Variants in R3HCC1L observed in about 807,000 individuals in gnomAD.
R3HCC1L encodes the protein R3H domain and coiled-coil containing 1 like, also known as coiled-coil domain-containing protein R3HCC1L.
Under a neutral mutation model 59.9 loss-of-function variants are expected in R3HCC1L, and 51 were observed. That is an observed-to-expected ratio of 0.85 (90% CI 0.68 to 1.07). The LOEUF is 1.07. R3HCC1L is among the 50% of genes least tolerant of loss of function. The pLI is 0.00. For synonymous variants in R3HCC1L, 322 were observed against 315.2 expected (o/e 1.02, Z -0.23); for missense variants, 965 against 933.0 (o/e 1.03, Z -0.45).
Position 98,208,568 on chromosome 10 carries a change from A to C in R3HCC1L, c.454A>C (p.Thr152Pro). 6.2e-7 allele frequency: 1 copy of C among 1,614,122 alleles called. No individual in the cohort carries two copies. Among genetic ancestry groups the C allele is most frequent in the Non-Finnish European group, 8.5e-7 (1 of 1,180,006 alleles). The change falls in exon 5 of 10, where the codon ACT becomes CCT. Residue 152 changes from threonine (T) to proline (P), a missense_variant. By Grantham distance (38) the Thr-to-Pro change is conservative. Transcript: ENST00000298999. ...GAAGGTGGAGTGTTTGGAAGTTGAA[A>C]CTACGGATGTGACAGGACATGAGAG... The part of the protein sequence containing the change: ...PKKVECLEVE[T>P]TDVTGHERIL...
chr10:98,153,491 C>G (rs974199116), intron 1 of R3HCC1L, among the ~76,000 whole-genome samples: 48 of 152,184 alleles, frequency 3.2e-4, no homozygotes, highest in African/African-American at 1.1e-3. Context: ...CCGCAGGGTC[C>G]TCTGCCTAAG....
chr10:98,230,180 G>T lies in R3HCC1L; in HGVS notation c.1786-1332G>T, dbSNP rs1439479745. ...GGTATCAGCTCCTCCTTGTACCTCT[G>T]GTAGAATTCAGCTGTGAATCCGTCT... is the stretch of plus-strand genomic sequence containing the variant. On this transcript the variant is annotated intron_variant, in intron 5 of 9. Coordinates refer to ENST00000298999, the MANE Select transcript of R3HCC1L (RefSeq NM_001351015.2). Among the ~76,000 whole-genome samples, 4 of 152,164 alleles carry T rather than the reference G, an allele frequency of 2.6e-5. No individual in the cohort carries two copies. In the South Asian group the frequency reaches 6.2e-4, roughly 24 times the overall value.
chr10:98,181,833 A>G (rs1192826700), intron 4 of R3HCC1L, among the ~76,000 whole-genome samples: 1 of 152,150 alleles, frequency 6.6e-6, no homozygotes, highest in Non-Finnish European at 1.5e-5. Flanking sequence ...TGAGTCACAT[A>G]GTTCTTGTGC....
At chr10:98,196,533 A>G (rs1303389837) in intron 4 of R3HCC1L, among the ~76,000 whole-genome samples, 2 of 152,162 alleles carry the variant, frequency 1.3e-5, no homozygotes, top group Non-Finnish European at 2.9e-5. Context: ...AGCTGGGACT[A>G]TAAGGCGTGT....
intron 4 of R3HCC1L, among the ~76,000 whole-genome samples, chr10:98,163,727 C>T (rs954498771): frequency 1.3e-5 from 2 of 152,164 alleles, no homozygotes; most frequent in African/African-American, 4.8e-5. Flanking sequence ...TTGTCAAGTC[C>T]TGGCTTCCCT....
intron 7 of R3HCC1L, among the ~76,000 whole-genome samples, chr10:98,235,198 T>G (rs963970918): frequency 3.3e-5 from 5 of 152,200 alleles, no homozygotes; most frequent in Non-Finnish European, 7.3e-5. Context: ...ATAAAATTAC[T>G]TTGTAAATAA....
intron 1 of R3HCC1L, among the ~76,000 whole-genome samples, chr10:98,150,693 G>C (rs1435205193): frequency 6.6e-6 from 1 of 152,132 alleles, no homozygotes; most frequent in Non-Finnish European, 1.5e-5. Context: ...TCATGCCCAG[G>C]TGACTTGTGG....
At chr10:98,187,301 G>A (rs1383715792) in intron 4 of R3HCC1L, among the ~76,000 whole-genome samples, 1 of 151,770 alleles carries the variant, frequency 6.6e-6, no homozygotes, top group African/African-American at 2.4e-5. Context: ...CATTTCCTTT[G>A]AGTGTCATGT....
intron 4 of R3HCC1L, among the ~76,000 whole-genome samples, chr10:98,206,678 A>C (rs1852712024): frequency 6.6e-6 from 1 of 152,138 alleles, no homozygotes; most frequent in South Asian, 2.1e-4. Context: ...TCATCATTTT[A>C]TATCCAGAAG....
rs780064819 is a variant in R3HCC1L at position 98,208,440 on chromosome 10, G to T, written c.326G>T (p.Gly109Val). The T allele has an allele frequency of 6.2e-7, 1 of 1,614,070 alleles. No homozygotes were observed. Among genetic ancestry groups the T allele is most frequent in the Non-Finnish European group, 8.5e-7 (1 of 1,180,016 alleles). The change falls in exon 5 of 10, where the codon GGA becomes GTA. Residue 109 changes from glycine (G) to valine (V), a missense_variant. By Grantham distance (109) the Gly-to-Val change is moderately radical (BLOSUM62 -3). Coordinates refer to ENST00000298999, the MANE Select transcript of R3HCC1L (RefSeq NM_001351015.2). Reference protein sequence around the residue: ...QKTNRVCSKRGTTESKEVLSQ... With the variant: ...QKTNRVCSKRVTTESKEVLSQ... ...ACAAATAGAGTTTGTTCTAAGAGAG[G>T]AACCACTGAATCCAAAGAAGTATTA...
intron 4 of R3HCC1L, chr10:98,174,847 A>G: frequency 1.1e-6 from 1 of 884,612 alleles, no homozygotes; most frequent in Non-Finnish European, 1.4e-6. Flanking sequence ...GTATTTTAGA[A>G]AAAATTCTTA....
At chr10:98,150,629 TG>T (rs1846063755) in intron 1 of R3HCC1L, among the ~76,000 whole-genome samples, 2 of 152,148 alleles carry the variant, frequency 1.3e-5, no homozygotes, top group Non-Finnish European at 2.9e-5. Flanking sequence ...CCCTCCTGCA[TG>T]GGAGGCATCC....
intron 1 of R3HCC1L, among the ~76,000 whole-genome samples, chr10:98,135,133 C>T (rs996015773): frequency 1.3e-5 from 2 of 152,238 alleles, no homozygotes; most frequent in African/African-American, 4.8e-5. Context: ...GAGCCTCCTC[C>T]GCTGCCCGGG....
chr10:98,144,693 C>G (rs1007083968), intron 1 of R3HCC1L, among the ~76,000 whole-genome samples: 1 of 152,200 alleles, frequency 6.6e-6, no homozygotes, highest in African/African-American at 2.4e-5. Context: ...TGAAAGTTAA[C>G]CCTCTGCTTA....
intron 4 of R3HCC1L, among the ~76,000 whole-genome samples, chr10:98,186,820 G>A (rs550519854): frequency 6.6e-6 from 1 of 152,256 alleles, no homozygotes; most frequent in South Asian, 2.1e-4. Flanking sequence ...TACAATGTTA[G>A]AGTTAGGCAG....
intron 1 of R3HCC1L, among the ~76,000 whole-genome samples, chr10:98,143,496 T>G (rs1845373687): frequency 6.6e-6 from 1 of 152,230 alleles, no homozygotes; most frequent in Non-Finnish European, 1.5e-5. Flanking sequence ...TGCTGTTCTT[T>G]GCCTTTTTGC....
chr10:98,150,275 G>T (rs940335485), intron 1 of R3HCC1L, among the ~76,000 whole-genome samples: 1 of 152,186 alleles, frequency 6.6e-6, no homozygotes, highest in Non-Finnish European at 1.5e-5. Context: ...TTCCCAAATT[G>T]CTGTCTTGCT....
intron 4 of R3HCC1L, among the ~76,000 whole-genome samples, chr10:98,176,864 T>A (rs999303835): frequency 1.2e-4 from 18 of 152,218 alleles, no homozygotes; most frequent in African/African-American, 4.1e-4. Flanking sequence ...TTTTTGTAGA[T>A]AACATTTATC....
intron 5 of R3HCC1L, among the ~76,000 whole-genome samples, chr10:98,218,567 C>T (rs1436340814): frequency 6.6e-6 from 1 of 152,028 alleles, no homozygotes; most frequent in Non-Finnish European, 1.5e-5. Flanking sequence ...AAGTCTTTTA[C>T]TAATTTTGGG....
Sources: allele counts gnomAD v4.1 joint callset (sites outside exome capture counted in the v4.1 genomes callset), GRCh38; gene constraint gnomAD v4.1.1; transcripts MANE v1.5; gene names NCBI Gene and HGNC (gene_info 2026-07-23, HGNC 2026-07-21).